The following CADM2 variants were observed in gnomAD, a reference collection of about 807,000 sequenced individuals.
CADM2 encodes cell adhesion molecule 2, also known as immunoglobulin superfamily member 4D.
A neutral mutation model predicts 49.8 loss-of-function variants in CADM2; 12 were observed. That is an observed-to-expected ratio of 0.24 (90% CI 0.15 to 0.39). The LOEUF is 0.39. Ranked by LOEUF, CADM2 falls within the 10% of genes least tolerant of loss-of-function variation. CADM2 has a pLI of 1.00. For synonymous variants in CADM2, 214 were observed against 175.4 expected, an observed-to-expected ratio of 1.22 and a Z score of -1.74; for missense variants, 378 against 492.3, an observed-to-expected ratio of 0.77 and a Z score of 2.20.
Position 85,882,187 on chromosome 3 carries a change from C to G in CADM2, c.239-1104C>G, listed in dbSNP as rs550539586. On this transcript the variant is annotated intron_variant, in intron 3 of 9. Coordinates refer to ENST00000383699, the MANE Select transcript of CADM2 (RefSeq NM_001167675.2). ...CCCGCATATACCCTCCCGCCTCACC[C>G]TCCACACACACTGCTAGAGCTGCTT... is the stretch of plus-strand genomic sequence containing the variant. Among the ~76,000 whole-genome samples, 10 of 151,222 alleles carry G rather than the reference C, an allele frequency of 6.6e-5. No individual in the cohort carries two copies. In the South Asian group the frequency reaches 1.3e-3, roughly 19 times the overall value.
chr3:85,647,330 T>TA (rs1001058999), intron 1 of CADM2, among the ~76,000 whole-genome samples: 7 of 151,800 alleles, frequency 4.6e-5, no homozygotes, highest in African/African-American at 1.4e-4. Context: ...GCTTTCCTTT[T>TA]AGCTTAAGTT....
At chr3:85,732,616 C>G (rs768236515) in intron 2 of CADM2, among the ~76,000 whole-genome samples, 1 of 152,042 alleles carries the variant, frequency 6.6e-6, no homozygotes, top group East Asian at 1.9e-4. Flanking sequence ...ATTACTGCAG[C>G]TTTTTTCTAA....
At chr3:85,652,772 C>CTTTTTTT (rs34756757) in intron 1 of CADM2, among the ~76,000 whole-genome samples, 1,010 of 50,742 alleles carry the variant, frequency 0.02, 276 homozygotes, top group East Asian at 0.087. Context: ...TTTTTCTTTT[C>CTTTTTTT]TTTTTTTTTT....
At chr3:85,416,089 C>T (rs2035907106) in intron 1 of CADM2, among the ~76,000 whole-genome samples, 1 of 151,954 alleles carries the variant, frequency 6.6e-6, no homozygotes, top group African/African-American at 2.4e-5. Context: ...TTAACTTTTC[C>T]TATATTTTTC....
intron 1 of CADM2, among the ~76,000 whole-genome samples, chr3:85,469,385 A>G (rs570057444): frequency 1.3e-5 from 2 of 152,260 alleles, no homozygotes; most frequent in Middle Eastern, 3.4e-3. Flanking sequence ...ATCAATGTAG[A>G]CAAGGGTGGG....
At chr3:85,059,008 G>A (rs942495750) in intron 1 of CADM2, among the ~76,000 whole-genome samples, 4 of 151,720 alleles carry the variant, frequency 2.6e-5, no homozygotes, top group Non-Finnish European at 5.9e-5. Flanking sequence ...CATCTGCCGA[G>A]GTGGGCGGAT....
intron 1 of CADM2, among the ~76,000 whole-genome samples, chr3:85,315,968 G>T (rs1173143111): frequency 6.6e-6 from 1 of 152,044 alleles, no homozygotes; most frequent in East Asian, 1.9e-4. Context: ...TTAAAAGAAA[G>T]AAGTAGTCAC....
intron 1 of CADM2, among the ~76,000 whole-genome samples, chr3:85,424,643 T>G (rs944725464): frequency 1.7e-4 from 26 of 152,126 alleles, no homozygotes; most frequent in African/African-American, 6.3e-4. Context: ...CAGCAAAATT[T>G]GCTAATTACA....
intron 1 of CADM2, among the ~76,000 whole-genome samples, chr3:85,257,442 C>T (rs540695117): frequency 3.5e-4 from 53 of 152,058 alleles, no homozygotes; most frequent in Non-Finnish European, 3.2e-4. Flanking sequence ...CCAGCTGGGC[C>T]AGTACTATAG....
At chr3:85,985,176 A>G (rs1727939702) in intron 8 of CADM2, among the ~76,000 whole-genome samples, 1 of 151,966 alleles carries the variant, frequency 6.6e-6, no homozygotes, top group African/African-American at 2.4e-5. Context: ...GAAAGCCAAG[A>G]TCAAGTCATG....
chr3:85,040,567 C>G (rs1480128218), intron 1 of CADM2, among the ~76,000 whole-genome samples: 2 of 150,962 alleles, frequency 1.3e-5, no homozygotes, highest in Admixed American at 6.6e-5. Flanking sequence ...AGAATTAAGC[C>G]ATCTCAAACA....
intron 3 of CADM2, among the ~76,000 whole-genome samples, chr3:85,880,614 C>T (rs1359240084): frequency 1.3e-5 from 2 of 152,176 alleles, no homozygotes; most frequent in South Asian, 2.1e-4. Flanking sequence ...GAAAAATGCA[C>T]CACTTCCTCT....
chr3:85,818,398 G>A lies in CADM2; in HGVS notation c.238+16202G>A, dbSNP rs182901302. Reference sequence around the variant, plus strand: ...CGACAAACAGCAGCATAAAGTGAGAGGGGGAAGCCAGCGCTGGTGCTTGAC... The same window carrying A: ...CGACAAACAGCAGCATAAAGTGAGAAGGGGAAGCCAGCGCTGGTGCTTGAC... On this transcript the variant is annotated intron_variant, in intron 3 of 9. Transcript: ENST00000383699. 1.5e-4 allele frequency among the ~76,000 whole-genome samples: 23 copies of A among 152,252 alleles called. 1 individual carries two copies. The East Asian group carries it at 4.5e-3, about 29-fold the overall frequency.
chr3:85,493,112 T>A (rs1167116245), intron 1 of CADM2, among the ~76,000 whole-genome samples: 1 of 152,184 alleles, frequency 6.6e-6, no homozygotes, highest in Non-Finnish European at 1.5e-5. Context: ...GGATACGGCA[T>A]ATTGTATTCC....
chr3:85,214,729 C>T (rs535394330), intron 1 of CADM2, among the ~76,000 whole-genome samples: 1 of 152,082 alleles, frequency 6.6e-6, no homozygotes, highest in Non-Finnish European at 1.5e-5. Flanking sequence ...CTCCCCATGG[C>T]CACCATTGTC....
Position 85,517,129 on chromosome 3 carries a change from T to C in CADM2, c.62-209393T>C, listed in dbSNP as rs1392659469. Among the ~76,000 whole-genome samples the C allele has an allele frequency of 5.3e-5, 8 of 152,046 alleles. No homozygotes were observed. In the East Asian group the frequency reaches 5.8e-4, roughly 11 times the overall value. ...TAGAATCACAATCATGGATCTATAATAACCTAGTCTCTTAGCTCAAGAAAA... is the reference window on the plus strand; with the variant it reads ...TAGAATCACAATCATGGATCTATAACAACCTAGTCTCTTAGCTCAAGAAAA... On this transcript the variant is annotated intron_variant, in intron 1 of 9. Transcript: ENST00000383699.
At chr3:85,220,754 G>A (rs1450227454) in intron 1 of CADM2, among the ~76,000 whole-genome samples, 5 of 151,984 alleles carry the variant, frequency 3.3e-5, no homozygotes, top group Non-Finnish European at 7.4e-5. Context: ...CGCCTTAGGA[G>A]AAATGATCAG....
intron 8 of CADM2, among the ~76,000 whole-genome samples, chr3:86,001,982 G>T (rs1730241862): frequency 6.6e-6 from 1 of 152,030 alleles, no homozygotes; most frequent in Admixed American, 6.6e-5. Flanking sequence ...AATTGGTCAA[G>T]AAAATTGGAA....
chr3:85,350,627 T>G (rs2031247381), intron 1 of CADM2, among the ~76,000 whole-genome samples: 1 of 152,160 alleles, frequency 6.6e-6, no homozygotes, highest in African/African-American at 2.4e-5. Context: ...TTTCATAGAG[T>G]TTCGGCATGG....
Sources: allele counts gnomAD v4.1 joint callset (sites outside exome capture counted in the v4.1 genomes callset), GRCh38; gene constraint gnomAD v4.1.1; transcripts MANE v1.5; gene names NCBI Gene and HGNC (gene_info 2026-07-23, HGNC 2026-07-21).